The following ZC3H13 variants were observed in gnomAD, a reference collection of about 807,000 sequenced individuals.
ZC3H13 encodes zinc finger CCCH-type containing 13.
A neutral mutation model predicts 204.1 loss-of-function variants in ZC3H13; 64 were observed. The observed-to-expected ratio is 0.31, with a 90% confidence interval of 0.26 to 0.39. The LOEUF (loss-of-function observed/expected upper bound fraction) is 0.39. Ranked by LOEUF, ZC3H13 falls within the 10% of genes least tolerant of loss-of-function variation. The pLI is 1.00. For missense variants in ZC3H13, 1,833 were observed against 2,082.7 expected (o/e 0.88, Z 2.33); for synonymous variants, 667 against 693.7 (o/e 0.96, Z 0.60).
intron 1 of ZC3H13, among the ~76,000 whole-genome samples, chr13:46,049,778 T>A (rs868196831): frequency 6.6e-6 from 1 of 152,144 alleles, no homozygotes; most frequent in African/African-American, 2.4e-5. Flanking sequence ...AGGCTGAACA[T>A]GACAAGTAAA....
At chr13:46,010,646 A>T (rs2041488451) in intron 6 of ZC3H13, 141 bp from the exon 7 acceptor site, 2 of 791,972 alleles carry the variant, frequency 2.5e-6, no homozygotes, top group Non-Finnish European at 3.8e-6. Context: ...CTGTAATCCC[A>T]GTTTCTCGAG....
intron 17 of ZC3H13, chr13:45,963,309 C>A: frequency 1.0e-6 from 1 of 986,604 alleles, no homozygotes; most frequent in Non-Finnish European, 1.2e-6. Flanking sequence ...AAAGGGCTGC[C>A]AAAATACCCA....
rs571262955 is a variant in ZC3H13 at position 45,985,482 on chromosome 13, C to T, written c.1535G>A (p.Gly512Asp). 19 of 1,614,216 alleles carry T rather than the reference C, an allele frequency of 1.2e-5. 1 individual carries two copies. In the South Asian group the frequency reaches 2.0e-4, roughly 17 times the overall value. The change falls in exon 10 of 19, where the codon GGT (glycine) becomes GAT (aspartate). Residue 512 changes from glycine to aspartate, a missense_variant. This residue lies in a region of ZC3H13 where 1,574 missense variants were observed against 1,757.2 expected (regional missense o/e 0.90). Transcript: ENST00000679008. ...ATCCTCCTTTCGATGAGTATCTCGACCTTCACGGTCCCTGTAGTCATGGGC... is the reference window on the plus strand; with the variant it reads ...ATCCTCCTTTCGATGAGTATCTCGATCTTCACGGTCCCTGTAGTCATGGGC... ...RDAHDYRDREGRDTHRKEDTY... is the reference protein window; with the variant it reads ...RDAHDYRDREDRDTHRKEDTY...
At chr13:46,048,631 T>TG (rs915145695) in intron 1 of ZC3H13, among the ~76,000 whole-genome samples, 1 of 149,766 alleles carries the variant, frequency 6.7e-6, no homozygotes, top group Non-Finnish European at 1.5e-5. Flanking sequence ...GGGTTGGACT[T>TG]GCTATGAAAG....
At chr13:46,036,172 GAT>G (rs1197737620) in intron 4 of ZC3H13, among the ~76,000 whole-genome samples, 1 of 150,152 alleles carries the variant, frequency 6.7e-6, no homozygotes, top group African/African-American at 2.4e-5. Context: ...AAAAGAACAA[GAT>G]AGGGGATGTC....
intron 1 of ZC3H13, among the ~76,000 whole-genome samples, chr13:46,047,786 T>C (rs1168793181): frequency 6.6e-6 from 1 of 152,226 alleles, no homozygotes; most frequent in Non-Finnish European, 1.5e-5. Context: ...TATACAAATA[T>C]AGAGTAATCC....
chr13:45,970,073 C>A, intron 13 of ZC3H13, 102 bp from the exon 14 acceptor site: 1 of 1,415,180 alleles, frequency 7.1e-7, no homozygotes, highest in Non-Finnish European at 9.4e-7. Flanking sequence ...AATCCCAGGA[C>A]TTTGGGAGGC....
chr13:46,029,932 T>A (rs1000561659), intron 4 of ZC3H13, among the ~76,000 whole-genome samples: 8 of 152,240 alleles, frequency 5.3e-5, no homozygotes, highest in African/African-American at 1.9e-4. Context: ...CATTTCACTA[T>A]ATATATTTGT....
chr13:46,027,829 G>C (rs2042634986), intron 4 of ZC3H13, among the ~76,000 whole-genome samples: 2 of 152,150 alleles, frequency 1.3e-5, no homozygotes, highest in South Asian at 4.2e-4. Flanking sequence ...TGCTAAAAAA[G>C]AATGAACAAA....
At chr13:46,014,172 T>C (rs1162006130) in intron 5 of ZC3H13, among the ~76,000 whole-genome samples, 1 of 152,174 alleles carries the variant, frequency 6.6e-6, no homozygotes, top group African/African-American at 2.4e-5. Context: ...TTTTTTAAAA[T>C]TTATTTATTT....
chr13:46,044,095 C>T (rs2043773919), intron 3 of ZC3H13, among the ~76,000 whole-genome samples: 1 of 150,538 alleles, frequency 6.6e-6, no homozygotes, highest in Non-Finnish European at 1.5e-5. Flanking sequence ...AAGAAGTTGG[C>T]TAATGTTGAG....
At chr13:45,962,439 G>C in intron 17 of ZC3H13, 1 of 985,174 alleles carries the variant, frequency 1.0e-6, no homozygotes, top group Non-Finnish European at 1.2e-6. Context: ...AGGTGGGTAA[G>C]ATTTTAGGGG....
intron 15 of ZC3H13, among the ~76,000 whole-genome samples, chr13:45,967,182 T>C (rs1952161166): frequency 1.3e-5 from 2 of 152,220 alleles, no homozygotes; most frequent in Admixed American, 1.3e-4. Context: ...TTTTGTAATC[T>C]TATTTTTTTA....
At chr13:46,033,295 G>A (rs543401235) in intron 4 of ZC3H13, among the ~76,000 whole-genome samples, 1 of 151,910 alleles carries the variant, frequency 6.6e-6, no homozygotes, top group Non-Finnish European at 1.5e-5. Flanking sequence ...TAAAATGTAC[G>A]AATTTGACTA....
At chr13:46,036,522 G>A (rs563373365) in intron 4 of ZC3H13, among the ~76,000 whole-genome samples, 56 of 151,856 alleles carry the variant, frequency 3.7e-4, no homozygotes, top group African/African-American at 1.3e-3. Flanking sequence ...AAAAAACAGT[G>A]GACAAGGGAA....
chr13:46,024,233 C>T (rs954393173), intron 4 of ZC3H13, among the ~76,000 whole-genome samples: 27 of 145,104 alleles, frequency 1.9e-4, no homozygotes, highest in African/African-American at 6.7e-4. Context: ...TAACTTCAGG[C>T]TATAACAAGA....
At chr13:46,033,893 C>A (rs1255425216) in intron 4 of ZC3H13, among the ~76,000 whole-genome samples, 3 of 152,064 alleles carry the variant, frequency 2.0e-5, no homozygotes, top group Admixed American at 6.6e-5. Flanking sequence ...AGGCTGCACA[C>A]TGGGAAAACG....
intron 6 of ZC3H13, 151 bp from the exon 7 acceptor site, chr13:46,010,656 G>A (rs2041489116): frequency 2.7e-6 from 2 of 738,494 alleles, no homozygotes; most frequent in African/African-American, 1.8e-5. Context: ...AGTTTCTCGA[G>A]AGGCTGAGGT....
In ZC3H13 at chr13:45,969,884, C is replaced by A. The variant is rs751740519; in HGVS notation, c.2660G>T (p.Gly887Val). ...TTTACGATCCTCCTCTTTCCATCTA[C>A]CCTGTCTGTCTTCTGTGAGGTGCGA... ...SPSHLTEDRQ[G>V]RWKEEDRKPE... The change falls in exon 14 of 19, where the codon GGT (glycine) becomes GTT (valine). Residue 887 changes from glycine (G) to valine (V), a missense_variant. Transcript: ENST00000679008. The A allele has an allele frequency of 6.2e-7, 1 of 1,613,954 alleles. No individual in the cohort carries two copies. Among genetic ancestry groups the A allele is most frequent in the Non-Finnish European group, 8.5e-7 (1 of 1,180,024 alleles).
Sources: allele counts gnomAD v4.1 joint callset (sites outside exome capture counted in the v4.1 genomes callset), GRCh38; gene constraint gnomAD v4.1.1; regional missense constraint gnomAD v4.1.1; transcripts MANE v1.5; gene names NCBI Gene and HGNC (gene_info 2026-07-23, HGNC 2026-07-21).